Variants in GSE1 observed in about 807,000 individuals in gnomAD.
GSE1 encodes the protein genetic suppressor element 1.
Under a neutral mutation model 112.6 loss-of-function variants are expected in GSE1, and 32 were observed. That is an observed-to-expected ratio of 0.28 (90% confidence interval 0.21 to 0.38). The LOEUF (loss-of-function observed/expected upper bound fraction) is 0.38. Among genes scored for constraint, GSE1 ranks in the 10% least tolerant of loss-of-function variants. GSE1 has a pLI of 1.00. For synonymous variants in GSE1, 1,115 were observed against 735.6 expected, an observed-to-expected ratio of 1.52 and a Z score of -8.35; for missense variants, 2,348 against 1,699.2, an observed-to-expected ratio of 1.38 and a Z score of -6.71.
At chr16:85,227,915 A>C (rs1456303360) in intron 1 of GSE1, among the ~76,000 whole-genome samples, 1 of 152,234 alleles carries the variant, frequency 6.6e-6, no homozygotes, top group Non-Finnish European at 1.5e-5. Flanking sequence ...AGTCAAGAGC[A>C]TCAAACCTGA....
intron 2 of GSE1, among the ~76,000 whole-genome samples, chr16:85,441,468 A>C (rs2049374861): frequency 6.6e-6 from 1 of 152,128 alleles, no homozygotes; most frequent in African/African-American, 2.4e-5. Flanking sequence ...CAGCCTGACC[A>C]ACATGGTGAA....
In GSE1 at chr16:85,373,283, C is replaced by T. The variant is rs1434758491; in HGVS notation, c.2464+15640C>T. 6.6e-6 allele frequency among the ~76,000 whole-genome samples: 1 copy of T among 152,240 alleles called. No homozygotes were observed. The highest frequency in any genetic ancestry group is 1.9e-4 in the East Asian group (1 of 5,200). ...GGATCCCCCACTCTCACGCGCTCTC[C>T]CTCCACCCCTTTGTCTCAAACAGCC... On this transcript the variant is annotated intron_variant, in intron 2 of 2. Coordinates refer to the GSE1 transcript ENST00000637419. The surrounding 1 kb of genome is among the most constrained non-coding windows in gnomAD (Gnocchi z 5.1).
intron 1 of GSE1, among the ~76,000 whole-genome samples, chr16:85,566,969 C>T (rs1430406088): frequency 1.3e-5 from 2 of 152,162 alleles, no homozygotes; most frequent in African/African-American, 4.8e-5. Flanking sequence ...GAACCTGTGT[C>T]ACTGTCGGAA....
chr16:85,443,961 G>A lies in GSE1; in HGVS notation c.2464+86318G>A, dbSNP rs563182929. On this transcript the variant is annotated intron_variant, in intron 2 of 2. Coordinates refer to the GSE1 transcript ENST00000637419. ...AGGGGGCCCTGGGGGTGGCTGCCACGTTCCGGGAGACAAGGGGGCGCTTTT... is the reference window on the plus strand; with the variant it reads ...AGGGGGCCCTGGGGGTGGCTGCCACATTCCGGGAGACAAGGGGGCGCTTTT... 2.3e-3 allele frequency among the ~76,000 whole-genome samples: 331 copies of A among 146,048 alleles called. 2 individuals carry two copies. The highest frequency in any genetic ancestry group is 7.8e-3 in the African/African-American group (308 of 39,360).
intron 1 of GSE1, among the ~76,000 whole-genome samples, chr16:85,578,402 T>C (rs1396294892): frequency 6.6e-6 from 1 of 152,232 alleles, no homozygotes; most frequent in Non-Finnish European, 1.5e-5. Context: ...GTCCTTCTGT[T>C]GGCAGGGGCT....
At chr16:85,183,224 C>T (rs1480909270) in intron 1 of GSE1, among the ~76,000 whole-genome samples, 1 of 152,238 alleles carries the variant, frequency 6.6e-6, no homozygotes, top group Non-Finnish European at 1.5e-5. Context: ...CTCCCACACA[C>T]CCTCTCTCAT....
At chr16:85,560,651 G>T (rs1190248454) in intron 1 of GSE1, among the ~76,000 whole-genome samples, 1 of 151,978 alleles carries the variant, frequency 6.6e-6, no homozygotes, top group Non-Finnish European at 1.5e-5. Context: ...CCTGCAAATG[G>T]GGCGACTGGG....
upstream of GSE1, chr16:85,613,266 C>T: frequency 6.5e-7 from 1 of 1,532,986 alleles, no homozygotes; most frequent in East Asian, 2.6e-5. Context: ...CCCGGAAGCT[C>T]CACCTCCCCA....
chr16:85,667,043 A>G (rs1407049592), intron 13 of GSE1, among the ~76,000 whole-genome samples: 1 of 152,262 alleles, frequency 6.6e-6, no homozygotes, highest in African/African-American at 2.4e-5. Flanking sequence ...GCCACTTTAT[A>G]TCAGGGACTT....
chr16:85,277,021 A>G (rs1321612770), intron 1 of GSE1, among the ~76,000 whole-genome samples: 2 of 152,104 alleles, frequency 1.3e-5, no homozygotes, highest in African/African-American at 4.8e-5. Flanking sequence ...AGGTTGCAGG[A>G]TGAGAGGATC....
intron 1 of GSE1, among the ~76,000 whole-genome samples, chr16:85,288,429 G>C (rs1237874799): frequency 6.6e-6 from 1 of 152,204 alleles, no homozygotes; most frequent in Non-Finnish European, 1.5e-5. Flanking sequence ...ACCTGCCCAG[G>C]GCGGTGCAGT....
At chr16:85,469,904 G>A (rs1255335035) in intron 2 of GSE1, among the ~76,000 whole-genome samples, 2 of 152,228 alleles carry the variant, frequency 1.3e-5, no homozygotes, top group South Asian at 2.1e-4. Context: ...CCCTTGGCCC[G>A]TCAGAGTCCC....
chr16:85,642,204 C>T (rs1458110354), intron 2 of GSE1, among the ~76,000 whole-genome samples: 4 of 152,194 alleles, frequency 2.6e-5, no homozygotes, highest in Non-Finnish European at 4.4e-5. Flanking sequence ...CCCAGCTGCT[C>T]GGAGGCTGAG....
intron 2 of GSE1, among the ~76,000 whole-genome samples, chr16:85,385,449 T>G (rs2047666935): frequency 6.6e-6 from 1 of 151,864 alleles, no homozygotes; most frequent in Non-Finnish European, 1.5e-5. Context: ...GAGACCGGGC[T>G]GGGTGGGACA....
At chr16:85,237,496 A>G (rs1904779542) in intron 1 of GSE1, among the ~76,000 whole-genome samples, 1 of 152,072 alleles carries the variant, frequency 6.6e-6, no homozygotes, top group Non-Finnish European at 1.5e-5. Context: ...GATTGACAGC[A>G]CGTGCTTGGG....
intron 1 of GSE1, among the ~76,000 whole-genome samples, chr16:85,252,398 CG>C (rs1567640327): frequency 6.6e-6 from 1 of 152,228 alleles, no homozygotes; most frequent in African/African-American, 2.4e-5. Flanking sequence ...AGGATGTGTA[CG>C]TGCATGAAAT....
chr16:85,312,381 C>A (rs1181623190), intron 1 of GSE1, among the ~76,000 whole-genome samples: 2 of 152,216 alleles, frequency 1.3e-5, no homozygotes, highest in Non-Finnish European at 2.9e-5. Context: ...CCTTCCAAGG[C>A]TCGGGGACCC....
intron 2 of GSE1, among the ~76,000 whole-genome samples, chr16:85,464,935 C>G (rs2050082132): frequency 6.6e-6 from 1 of 152,210 alleles, no homozygotes; most frequent in Admixed American, 6.5e-5. Context: ...GTCCTCATGG[C>G]AGCATCAGGG....
intron 1 of GSE1, among the ~76,000 whole-genome samples, chr16:85,190,189 G>A (rs1197259010): frequency 6.6e-6 from 1 of 152,242 alleles, no homozygotes; most frequent in Non-Finnish European, 1.5e-5. Context: ...CCCTGTGATG[G>A]ACATTGGTGA....
Sources: allele counts gnomAD v4.1 joint callset (sites outside exome capture counted in the v4.1 genomes callset), GRCh38; gene constraint gnomAD v4.1.1; non-coding constraint Gnocchi (gnomAD v3.1); transcripts MANE v1.5; gene names NCBI Gene and HGNC (gene_info 2026-07-23, HGNC 2026-07-21).